The following TTC3 variants were observed in gnomAD, a reference collection of about 807,000 sequenced individuals.
TTC3 encodes the protein E3 ubiquitin-protein ligase TTC3.
Under a neutral mutation model 249.6 loss-of-function variants are expected in TTC3, and 180 were observed. The observed-to-expected ratio is 0.72, with a 90% CI of 0.64 to 0.82. The LOEUF (loss-of-function observed/expected upper bound fraction) is 0.82, where lower values mean the gene tolerates loss of function less well. TTC3 is among the 40% of genes least tolerant of loss of function. The probability of loss-of-function intolerance (pLI) is 0.00; values close to 1 mark genes in which losing one functional copy is unlikely to be tolerated. For synonymous variants in TTC3, 717 were observed against 805.0 expected, an observed-to-expected ratio of 0.89 and a Z score of 1.85; for missense variants, 2,061 against 2,398.4, an observed-to-expected ratio of 0.86 and a Z score of 2.94.
intron 23 of TTC3, among the ~76,000 whole-genome samples, chr21:37,149,155 A>G (rs913533150): frequency 6.6e-6 from 1 of 152,210 alleles, no homozygotes; most frequent in Non-Finnish European, 1.5e-5. Flanking sequence ...TACCAAGATA[A>G]TGATGTTAAT....
intron 31 of TTC3, among the ~76,000 whole-genome samples, chr21:37,162,524 T>A (rs1226906969): frequency 6.6e-6 from 1 of 152,130 alleles, no homozygotes; most frequent in Non-Finnish European, 1.5e-5. Context: ...CAAAACTGAG[T>A]TTTCAATAAA....
chr21:37,093,953 T>G (rs1311555419), intron 7 of TTC3, 52 bp from the exon 8 acceptor site: 2 of 1,171,448 alleles, frequency 1.7e-6, no homozygotes, highest in African/African-American at 3.1e-5. Flanking sequence ...TACCAATTTG[T>G]TTTTTTTTAA....
intron 11 of TTC3, among the ~76,000 whole-genome samples, chr21:37,119,847 G>C (rs2154536): frequency 0.48 from 73,000 of 151,880 alleles, 18,248 homozygotes; most frequent in Non-Finnish European, 0.56. Flanking sequence ...GGCGCTCTTG[G>C]TTTTATTTTT....
chr21:37,090,313 C>T lies in TTC3; in HGVS notation c.480+27C>T, dbSNP rs774582999. On this transcript the variant is annotated intron_variant, in intron 6 of 45. Transcript: ENST00000355666. The stretch of plus-strand genomic sequence containing the variant: ...TAAGTGTTAAACACTGAAACTGGCA[C>T]AGCCACTGTGGATGAGTGGCAGTCA... 23 of 1,593,178 alleles carry T rather than the reference C, an allele frequency of 1.4e-5. 1 individual carries two copies. Among genetic ancestry groups the T allele is most frequent in the South Asian group, 9.1e-5 (8 of 88,324 alleles).
At chr21:37,074,832 T>C (rs4817845) in intron 1 of TTC3, among the ~76,000 whole-genome samples, 69,280 of 152,014 alleles carry the variant, frequency 0.46, 16,313 homozygotes, top group Non-Finnish European at 0.52. Context: ...CCAATTTTCT[T>C]ATTGTCTAAT....
rs139989087 is a variant in TTC3, at chr21:37,111,547, A to G, written c.900+3101A>G. Among the ~76,000 whole-genome samples, 224 of 152,344 alleles carry G rather than the reference A, an allele frequency of 1.5e-3. 2 individuals carry two copies. Among genetic ancestry groups the G allele is most frequent in the African/African-American group, 4.9e-3 (205 of 41,568 alleles). On this transcript the variant is annotated intron_variant, in intron 11 of 45. Coordinates refer to ENST00000355666, the Ensembl canonical transcript of TTC3. ...AATACAGGAGCACCCAGATTCATACAGCAAGTCCTTAGTGACCTACAAAGT... is the reference window on the plus strand; with the variant it reads ...AATACAGGAGCACCCAGATTCATACGGCAAGTCCTTAGTGACCTACAAAGT...
intron 35 of TTC3, among the ~76,000 whole-genome samples, chr21:37,179,255 A>G (rs1025147166): frequency 6.6e-6 from 1 of 152,184 alleles, no homozygotes; most frequent in African/African-American, 2.4e-5. Context: ...CCACTGCACT[A>G]CAGTTTGGGC....
rs1255609981 is a variant in TTC3 at position 37,152,812 on chromosome 21, A to C, written c.2414-139A>C. On this transcript the variant is annotated intron_variant, in intron 26 of 45. Coordinates refer to ENST00000355666, the Ensembl canonical transcript of TTC3. ...AGTATTGTTAAGTGTTTATATTTCTAATTAAAGTTTCTTGAGTTTAGTAAA... is the reference window on the plus strand; with the variant it reads ...AGTATTGTTAAGTGTTTATATTTCTCATTAAAGTTTCTTGAGTTTAGTAAA... The C allele has an allele frequency of 4.4e-6, 3 of 684,486 alleles. No individual in the cohort carries two copies. In the East Asian group the frequency reaches 9.2e-5, roughly 21 times the overall value. 42.4% of individuals were successfully genotyped at this position (684,486 alleles called of 1,614,324 possible).
In TTC3 at chr21:37,124,722, G is replaced by A. The variant is rs777833962; in HGVS notation, c.1213G>A (p.Gly405Ser). The A allele has an allele frequency of 3.7e-6, 6 of 1,611,576 alleles. No individual in the cohort carries two copies. The highest frequency in any genetic ancestry group is 4.5e-5 in the East Asian group (2 of 44,666). Reference sequence around the variant, plus strand: ...AAAAATTAATCACGAAATGGCCAACGGTGGTAATCAGAATCTAAAGGTAAG... The same window carrying A: ...AAAAATTAATCACGAAATGGCCAACAGTGGTAATCAGAATCTAAAGGTAAG... The change falls in exon 14 of 46, where the codon GGT (glycine) becomes AGT (serine). Residue 405 changes from glycine to serine, a missense_variant. Gly to Ser is a moderately conservative substitution (Grantham distance 56). Around this residue, in one of 3 missense-constraint regions of TTC3, gnomAD observed 989 missense variants for 1,145.1 expected, o/e 0.86. Coordinates refer to ENST00000355666, the Ensembl canonical transcript of TTC3.
chr21:37,154,896 C>T (rs984633251), intron 27 of TTC3, among the ~76,000 whole-genome samples: 1 of 152,110 alleles, frequency 6.6e-6, no homozygotes, highest in Non-Finnish European at 1.5e-5. Flanking sequence ...GGGGTTTCAC[C>T]GTGTTAGCCA....
At chr21:37,092,071 T>A (rs2073347358) in intron 7 of TTC3, among the ~76,000 whole-genome samples, 1 of 152,260 alleles carries the variant, frequency 6.6e-6, no homozygotes, top group South Asian at 2.1e-4. Context: ...ATTTTTATTT[T>A]CTTCATGAAT....
intron 15 of TTC3, among the ~76,000 whole-genome samples, chr21:37,127,488 CAG>C (rs2147897092): frequency 1.3e-5 from 2 of 152,274 alleles, no homozygotes; most frequent in Admixed American, 1.3e-4. Context: ...TTAATACCAC[CAG>C]AGTTTGATGA....
At chr21:37,150,986 G>A in intron 25 of TTC3, 102 bp downstream of exon 25, 3 of 743,124 alleles carry the variant, frequency 4.0e-6, no homozygotes, top group South Asian at 1.9e-5. Context: ...AATTGGCTGT[G>A]TATACATATA....
chr21:37,082,727 A>G (rs1018765476), intron 1 of TTC3: 13 of 984,700 alleles, frequency 1.3e-5, no homozygotes, highest in Non-Finnish European at 1.4e-5. Context: ...TTTTTTTTTA[A>G]TCTAGGATAT....
At chr21:37,129,144 T>A (rs2077272162) in intron 16 of TTC3, 81 bp downstream of exon 16, 1 of 904,064 alleles carries the variant, frequency 1.1e-6, no homozygotes, top group Non-Finnish European at 1.6e-6. Context: ...GTTTTTCGAG[T>A]ATTAGCTACT....
chr21:37,090,355 C>T lies in TTC3; in HGVS notation c.480+69C>T. The T allele has an allele frequency of 5.1e-6, 7 of 1,382,436 alleles. No homozygotes were observed. The South Asian group carries it at 8.5e-5, about 17-fold the overall frequency. 85.6% of individuals were successfully genotyped at this position (1,382,436 alleles called of 1,614,324 possible). On this transcript the variant is annotated intron_variant, in intron 6 of 45. Coordinates refer to ENST00000355666, the Ensembl canonical transcript of TTC3. ...TGGCAGTCATCTCACTGCTCATTTC[C>T]CCTTGCATTGGGTCCATACACTCAA...
chr21:37,120,461 A>G (rs2076492284), intron 11 of TTC3, among the ~76,000 whole-genome samples: 2 of 152,210 alleles, frequency 1.3e-5, no homozygotes, highest in Non-Finnish European at 2.9e-5. Flanking sequence ...TTTATGATCT[A>G]TCATTATTTC....
At chr21:37,131,462 T>G (rs4261789) in intron 16 of TTC3, among the ~76,000 whole-genome samples, 82,702 of 151,996 alleles carry the variant, frequency 0.54, 23,083 homozygotes, top group African/African-American at 0.65. Context: ...CCCAAGGGGA[T>G]CATGAAGCTC....
chr21:37,199,149 C>G (rs971425363), intron 44 of TTC3, among the ~76,000 whole-genome samples: 4 of 152,162 alleles, frequency 2.6e-5, no homozygotes, highest in Admixed American at 6.5e-5. Flanking sequence ...ACAGCAAAAC[C>G]CTGAACAGCA....
Sources: gnomAD v4.1 joint callset for allele counts (sites outside exome capture counted in the v4.1 genomes callset) on GRCh38, gnomAD v4.1.1 for gene constraint, gnomAD v4.1.1 regional missense constraint, MANE v1.5 for transcripts, NCBI Gene and HGNC (gene_info 2026-07-23, HGNC 2026-07-21) for gene names.